Variants in RBFOX1 observed in about 807,000 individuals in gnomAD.
The protein encoded by RBFOX1 is RNA binding fox-1 homolog 1.
RBFOX1 carries 8 observed loss-of-function variants against 57.7 expected under a neutral mutation model. That is an observed-to-expected ratio of 0.14 (90% confidence interval 0.08 to 0.25). The LOEUF (loss-of-function observed/expected upper bound fraction) is 0.25, where lower values mean the gene tolerates loss of function less well. Among genes scored for constraint, RBFOX1 ranks in the 10% least tolerant of loss-of-function variants. The probability of loss-of-function intolerance (pLI) is 1.00; values close to 1 mark genes in which losing one functional copy is unlikely to be tolerated. For missense variants in RBFOX1, 611 were observed against 548.5 expected (o/e 1.11, Z -1.14); for synonymous variants, 326 against 222.4 (o/e 1.47, Z -4.15).
rs57333413 is a variant in RBFOX1 at position 7,211,391 on chromosome 16, C to CAAAAAAA, written c.27+159308_27+159314dup. ...TGGGCGACAGAGTGAGACTGCCTCT[C>CAAAAAAA]AAAAAAAAAAAAAAAAAAAAATTGG... On this transcript the variant is annotated intron_variant, in intron 4 of 15. Coordinates refer to ENST00000550418, the MANE Select transcript of RBFOX1 (RefSeq NM_018723.4). Among the ~76,000 whole-genome samples, 113 of 83,840 alleles carry CAAAAAAA rather than the reference C, an allele frequency of 1.3e-3. 3 individuals carry two copies. Among genetic ancestry groups the CAAAAAAA allele is most frequent in the South Asian group, 2.6e-3 (5 of 1,924 alleles). 55.0% of individuals were successfully genotyped at this position (83,840 alleles called of 152,430 possible). A position where few individuals can be genotyped will look rare whatever the true frequency, so the allele number is the denominator to read the frequency against.
At chr16:7,579,952 G>T (rs190280199) in intron 6 of RBFOX1, 32 bp downstream of exon 6, 2 of 1,608,324 alleles carry the variant, frequency 1.2e-6, no homozygotes, top group Admixed American at 3.3e-5. Flanking sequence ...AGCAGTGCCC[G>T]CTCTGGGGGT....
At chr16:6,982,284 T>C (rs1463425958) in intron 3 of RBFOX1, among the ~76,000 whole-genome samples, 2 of 152,182 alleles carry the variant, frequency 1.3e-5, no homozygotes, top group Non-Finnish European at 2.9e-5. Flanking sequence ...GTAACAAAGA[T>C]TGACCTACAT....
chr16:6,330,039 C>T (rs2152805169), intron 2 of RBFOX1, among the ~76,000 whole-genome samples: 1 of 152,294 alleles, frequency 6.6e-6, no homozygotes, highest in East Asian at 1.9e-4. Context: ...GTGTAGCTTT[C>T]CTTCATCTTT....
intron 1 of RBFOX1, among the ~76,000 whole-genome samples, chr16:6,075,782 G>A (rs62013964): frequency 0.015 from 2,249 of 152,256 alleles, 27 homozygotes; most frequent in Non-Finnish European, 0.026. Flanking sequence ...TCTCCATGTC[G>A]TGGACAAAAA....
At chr16:6,844,104 C>A (rs2093634327) in intron 3 of RBFOX1, among the ~76,000 whole-genome samples, 1 of 145,122 alleles carries the variant, frequency 6.9e-6, no homozygotes, top group Non-Finnish European at 1.5e-5. Flanking sequence ...TCTAAGCCAC[C>A]ATCACATCTT....
intron 2 of RBFOX1, among the ~76,000 whole-genome samples, chr16:5,562,320 G>C (rs536391541): frequency 6.6e-6 from 1 of 152,184 alleles, no homozygotes; most frequent in Non-Finnish European, 1.5e-5. Flanking sequence ...ACAGCTGCCC[G>C]AGAAAGCTGC....
chr16:6,683,668 G>A (rs1010950885), intron 3 of RBFOX1, among the ~76,000 whole-genome samples: 5 of 152,100 alleles, frequency 3.3e-5, no homozygotes, highest in East Asian at 3.9e-4. Context: ...GGTTTAAGGC[G>A]AAAGCAAGCC....
At chr16:6,526,872 C>T (rs367726058) in intron 2 of RBFOX1, among the ~76,000 whole-genome samples, 4 of 59,228 alleles carry the variant, frequency 6.8e-5, no homozygotes, top group African/African-American at 2.0e-4. Context: ...ACCAGAAAAA[C>T]AGAAATACTC....
intron 3 of RBFOX1, among the ~76,000 whole-genome samples, chr16:6,921,199 G>A (rs554983179): frequency 6.6e-6 from 1 of 152,130 alleles, no homozygotes; most frequent in Non-Finnish European, 1.5e-5. Flanking sequence ...TTTCTATTCT[G>A]TGTTACAAAT....
intron 4 of RBFOX1, among the ~76,000 whole-genome samples, chr16:7,420,655 A>G (rs558836562): frequency 6.6e-6 from 1 of 151,014 alleles, no homozygotes; most frequent in African/African-American, 2.4e-5. Flanking sequence ...TCATGCTGCC[A>G]GGTTGAATGT....
chr16:6,877,019 G>T (rs1371527001), intron 3 of RBFOX1, among the ~76,000 whole-genome samples: 1 of 152,076 alleles, frequency 6.6e-6, no homozygotes, highest in Non-Finnish European at 1.5e-5. Context: ...CTATATTTCT[G>T]CTATTGTTTC....
intron 3 of RBFOX1, among the ~76,000 whole-genome samples, chr16:6,845,654 C>T (rs1271661727): frequency 1.4e-5 from 2 of 144,076 alleles, no homozygotes; most frequent in Non-Finnish European, 1.6e-5. Context: ...ATTGGTTTCT[C>T]ATTCTACAAA....
chr16:6,812,221 T>A (rs2088841851), intron 3 of RBFOX1, among the ~76,000 whole-genome samples: 1 of 152,206 alleles, frequency 6.6e-6, no homozygotes, highest in East Asian at 1.9e-4. Flanking sequence ...CTGTGAATAT[T>A]AAGCTCCTCA....
chr16:5,493,862 C>T (rs535956046), intron 2 of RBFOX1, among the ~76,000 whole-genome samples: 2 of 152,150 alleles, frequency 1.3e-5, no homozygotes, highest in African/African-American at 2.4e-5. Flanking sequence ...GTTTCTGCAA[C>T]GGTAGCCAAA....
At chr16:6,809,720 T>C (rs973972128) in intron 3 of RBFOX1, among the ~76,000 whole-genome samples, 1 of 152,166 alleles carries the variant, frequency 6.6e-6, no homozygotes, top group African/African-American at 2.4e-5. Flanking sequence ...GTCTCTGAAT[T>C]GGTCTTTCTC....
intron 2 of RBFOX1, among the ~76,000 whole-genome samples, chr16:5,560,171 C>G (rs2045840360): frequency 6.6e-6 from 1 of 152,196 alleles, no homozygotes; most frequent in African/African-American, 2.4e-5. Context: ...TTCCCTTGTG[C>G]ACACACTTTG....
chr16:5,662,766 G>A (rs950245162), intron 3 of RBFOX1, among the ~76,000 whole-genome samples: 2 of 152,220 alleles, frequency 1.3e-5, no homozygotes, highest in Non-Finnish European at 2.9e-5. Context: ...AGTTGAAACT[G>A]AAGACAATCG....
intron 3 of RBFOX1, among the ~76,000 whole-genome samples, chr16:5,833,217 G>T (rs938823403): frequency 6.6e-5 from 10 of 152,150 alleles, no homozygotes; most frequent in African/African-American, 2.4e-4. Context: ...AATCTGGCCA[G>T]GCGTGGTGGC....
intron 4 of RBFOX1, among the ~76,000 whole-genome samples, chr16:7,214,088 A>AATT (rs770099717): frequency 1.3e-5 from 2 of 150,204 alleles, no homozygotes; most frequent in African/African-American, 4.9e-5. Flanking sequence ...AAAAAAAAAA[A>AATT]TTTTTCCACT....
Sources: gnomAD v4.1 joint callset for allele counts (sites outside exome capture counted in the v4.1 genomes callset) on GRCh38, gnomAD v4.1.1 for gene constraint, MANE v1.5 for transcripts, NCBI Gene and HGNC (gene_info 2026-07-23, HGNC 2026-07-21) for gene names.